SLC26A7: variants seen among roughly 807,000 people sequenced by gnomAD.
SLC26A7 encodes solute carrier family 26 member 7.
A neutral mutation model predicts 82.5 loss-of-function variants in SLC26A7; 59 were observed. The ratio of observed to expected loss-of-function variants is 0.72; its 90% confidence interval spans 0.58 to 0.89. The LOEUF (loss-of-function observed/expected upper bound fraction) is 0.89. Ranked by LOEUF, SLC26A7 falls within the 40% of genes least tolerant of loss-of-function variation. SLC26A7 has a pLI of 0.00. For synonymous variants in SLC26A7, 271 were observed against 274.3 expected, an observed-to-expected ratio of 0.99 and a Z score of 0.12; for missense variants, 820 against 793.0, an observed-to-expected ratio of 1.03 and a Z score of -0.41.
At chr8:91,213,054 C>A (rs1809963498) in intron 1 of SLC26A7, among the ~76,000 whole-genome samples, 1 of 152,028 alleles carries the variant, frequency 6.6e-6, no homozygotes, top group Admixed American at 6.6e-5. Flanking sequence ...AATAATCTTA[C>A]ATTTTATTGA....
intron 4 of SLC26A7, among the ~76,000 whole-genome samples, chr8:91,316,156 A>G (rs1812624071): frequency 6.6e-6 from 1 of 152,190 alleles, no homozygotes; most frequent in Admixed American, 6.5e-5. Flanking sequence ...TTTATGCTCT[A>G]GTGGTACCAG....
At chr8:91,244,552 G>A (rs936812252), upstream of SLC26A7, among the ~76,000 whole-genome samples, 72 of 151,518 alleles carry the variant, frequency 4.8e-4, 1 homozygote, top group African/African-American at 1.7e-3. Flanking sequence ...TGCCCAGGCT[G>A]GAATGCAGTG....
chr8:91,338,268 T>C (rs1333776912), intron 7 of SLC26A7, 36 bp downstream of exon 7: 1 of 1,501,556 alleles, frequency 6.7e-7, no homozygotes. Flanking sequence ...ATTATTTGTT[T>C]GTTTGTTTAT....
intron 5 of SLC26A7, among the ~76,000 whole-genome samples, chr8:91,325,909 C>T (rs887180437): frequency 1.3e-5 from 2 of 152,156 alleles, no homozygotes; most frequent in African/African-American, 4.8e-5. Context: ...TCTCTGGAGC[C>T]TTGGTTTCTA....
intron 4 of SLC26A7, among the ~76,000 whole-genome samples, chr8:91,309,669 C>T (rs544424022): frequency 2.0e-5 from 3 of 151,756 alleles, no homozygotes; most frequent in South Asian, 4.2e-4. Flanking sequence ...AGAGCATGAA[C>T]GAAAAGAAAA....
chr8:91,292,624 T>C (rs905953982), intron 3 of SLC26A7, among the ~76,000 whole-genome samples: 1 of 152,212 alleles, frequency 6.6e-6, no homozygotes, highest in African/African-American at 2.4e-5. Context: ...TAATAAATTA[T>C]GTTAGAGGCA....
At position 91,277,959 on chromosome 8, in the gene SLC26A7, G is replaced by A. The variant is rs1366777848; in HGVS notation, c.194-11177G>A. On this transcript the variant is annotated intron_variant, in intron 2 of 18. Coordinates refer to ENST00000276609, the MANE Select transcript of SLC26A7 (RefSeq NM_052832.4). Reference sequence around the variant, plus strand: ...GGCAGGAGCTAGAGACTAGGAGGGAGAGATGAGAGGATGCTTGTTACAGAG... The same window carrying A: ...GGCAGGAGCTAGAGACTAGGAGGGAAAGATGAGAGGATGCTTGTTACAGAG... Among the ~76,000 whole-genome samples, 3 of 152,168 alleles carry A rather than the reference G, an allele frequency of 2.0e-5. No homozygotes were observed. In the East Asian group the frequency reaches 5.8e-4, roughly 29 times the overall value.
intron 2 of SLC26A7, among the ~76,000 whole-genome samples, chr8:91,262,627 C>T (rs2130718963): frequency 6.6e-6 from 1 of 151,840 alleles, no homozygotes; most frequent in South Asian, 2.1e-4. Context: ...CTCTTGTGGA[C>T]TATTGTAGGC....
intron 2 of SLC26A7, chr8:91,219,272 C>T (rs1380665726): frequency 1.6e-5 from 4 of 256,198 alleles, no homozygotes; most frequent in African/African-American, 2.2e-5. Flanking sequence ...TTTTTTCCTG[C>T]TGTTTTATGA....
At chr8:91,234,179 C>T (rs1167110038) in intron 2 of SLC26A7, among the ~76,000 whole-genome samples, 1 of 152,142 alleles carries the variant, frequency 6.6e-6, no homozygotes, top group African/African-American at 2.4e-5. Context: ...TGATGGATGA[C>T]TACCATCTTT....
intron 15 of SLC26A7, among the ~76,000 whole-genome samples, chr8:91,387,795 C>T (rs570421283): frequency 1.6e-4 from 24 of 152,124 alleles, no homozygotes; most frequent in South Asian, 4.1e-4. Context: ...ATTATAAGCT[C>T]CTAAAGAAAG....
intron 5 of SLC26A7, among the ~76,000 whole-genome samples, chr8:91,327,238 G>A (rs1196153149): frequency 6.6e-6 from 1 of 152,060 alleles, no homozygotes; most frequent in African/African-American, 2.4e-5. Context: ...ATTAGAATGT[G>A]ACTGAAGTTA....
intron 5 of SLC26A7, among the ~76,000 whole-genome samples, chr8:91,328,584 A>G (rs1341674566): frequency 6.6e-6 from 1 of 152,120 alleles, no homozygotes; most frequent in Non-Finnish European, 1.5e-5. Flanking sequence ...TTACAGACTT[A>G]TTGTTACTAT....
Position 91,295,655 on chromosome 8 carries a change from A to G in SLC26A7, c.429A>G (p.Gln143=), listed in dbSNP as rs764808239. Residue 143 remains glutamine, a synonymous_variant, in exon 4 of 19, where the codon CAA becomes CAG. Transcript: ENST00000276609. ...SVLGLSDFEM[Q]RIHVAAAVSF... ...TGGGCTTATCCGACTTTGAAATGCAAAGGATCCACGTTGCTGCAGCAGTTT... is the reference window on the plus strand; with the variant it reads ...TGGGCTTATCCGACTTTGAAATGCAGAGGATCCACGTTGCTGCAGCAGTTT... 1.1e-5 allele frequency: 17 copies of G among 1,613,952 alleles called. No homozygotes were observed. Among genetic ancestry groups the G allele is most frequent in the Non-Finnish European group, 1.4e-5 (17 of 1,179,968 alleles).
exon 2 of SLC26A7, chr8:91,218,893 T>A: frequency 6.5e-7 from 1 of 1,540,912 alleles, no homozygotes; most frequent in Non-Finnish European, 8.8e-7. Context: ...TTTTTAGGAC[T>A]GGAAGATAAG....
intron 14 of SLC26A7, among the ~76,000 whole-genome samples, chr8:91,367,156 C>T (rs1417624548): frequency 6.6e-6 from 1 of 151,954 alleles, no homozygotes; most frequent in African/African-American, 2.4e-5. Flanking sequence ...CACAGGTACC[C>T]GCCACCACGC....
chr8:91,337,220 A>G (rs181015580), intron 6 of SLC26A7, among the ~76,000 whole-genome samples: 12 of 150,956 alleles, frequency 7.9e-5, no homozygotes, highest in African/African-American at 2.5e-4. Flanking sequence ...GGAATAGGGG[A>G]AAAAAACCTA....
At chr8:91,261,035 T>C (rs1810949639) in intron 2 of SLC26A7, among the ~76,000 whole-genome samples, 2 of 152,234 alleles carry the variant, frequency 1.3e-5, no homozygotes, top group South Asian at 4.1e-4. Flanking sequence ...GGTTTGCTAA[T>C]AACTATTCTA....
At chr8:91,349,903 C>T (rs1586439829) in intron 9 of SLC26A7, among the ~76,000 whole-genome samples, 1 of 152,142 alleles carries the variant, frequency 6.6e-6, no homozygotes, top group Non-Finnish European at 1.5e-5. Context: ...ATCCTGTGAG[C>T]TGCACTCTGA....
Sources: allele counts gnomAD v4.1 joint callset (sites outside exome capture counted in the v4.1 genomes callset), GRCh38; gene constraint gnomAD v4.1.1; transcripts MANE v1.5; gene names NCBI Gene and HGNC (gene_info 2026-07-23, HGNC 2026-07-21).